Variants in ENOPH1 observed in about 807,000 individuals in gnomAD.
The protein encoded by ENOPH1 is enolase-phosphatase E1.
In ENOPH1, 14 loss-of-function variants were observed where a neutral mutation model predicts 31.1. That is an observed-to-expected ratio of 0.45 (90% confidence interval 0.30 to 0.70). The LOEUF is 0.70. ENOPH1 is among the 30% of genes least tolerant of loss of function. The pLI is 0.09. For synonymous variants in ENOPH1, 127 were observed against 123.2 expected, an observed-to-expected ratio of 1.03 and a Z score of -0.21; for missense variants, 243 against 321.5, an observed-to-expected ratio of 0.76 and a Z score of 1.87.
intron 1 of ENOPH1, among the ~76,000 whole-genome samples, chr4:82,443,252 C>T (rs989712293): frequency 4.0e-5 from 6 of 151,706 alleles, no homozygotes; most frequent in African/African-American, 1.5e-4. Flanking sequence ...GCCTGGCTAA[C>T]ATGGCGAAAC....
intron 1 of ENOPH1, among the ~76,000 whole-genome samples, chr4:82,442,252 G>A (rs1020878935): frequency 2.0e-5 from 3 of 152,174 alleles, no homozygotes; most frequent in Non-Finnish European, 4.4e-5. Context: ...CAGCTTGGTG[G>A]TGGCTCCTGT....
intron 1 of ENOPH1, among the ~76,000 whole-genome samples, chr4:82,432,488 A>T (rs1366934692): frequency 6.6e-6 from 1 of 152,046 alleles, no homozygotes; most frequent in East Asian, 1.9e-4. Context: ...GGGATTACAG[A>T]CATGTGCCAC....
At chr4:82,459,942 G>T in intron 5 of ENOPH1, 39 bp from the exon 6 acceptor site, 1 of 1,600,916 alleles carries the variant, frequency 6.2e-7, no homozygotes, top group African/African-American at 1.3e-5. Context: ...ATCATTTTTT[G>T]GTGTTTCTGA....
At chr4:82,447,486 C>A (rs1473729449) in intron 1 of ENOPH1, among the ~76,000 whole-genome samples, 1 of 152,162 alleles carries the variant, frequency 6.6e-6, no homozygotes, top group African/African-American at 2.4e-5. Flanking sequence ...TAATCCATAT[C>A]CTCAAGGACC....
Position 82,430,619 on chromosome 4 carries a change from G to T in ENOPH1, c.-211G>T. ...CGGGCTCCTGCCCCGTCCTGCTCAC[G>T]AGTTCAGGGCTCCTGGGCGGCCGCC... On this transcript the variant is annotated 5_prime_UTR_variant, in exon 1 of 6. Coordinates refer to ENST00000273920, the MANE Select transcript of ENOPH1 (RefSeq NM_021204.5). 1.8e-6 allele frequency: 1 copy of T among 561,046 alleles called. No individual in the cohort carries two copies. The highest frequency in any genetic ancestry group is 3.2e-6 in the Non-Finnish European group (1 of 313,698). 34.8% of individuals were successfully genotyped at this position (561,046 alleles called of 1,614,324 possible).
intron 1 of ENOPH1, among the ~76,000 whole-genome samples, chr4:82,442,629 A>G (rs6838602): frequency 0.1 from 15,423 of 152,180 alleles, 1,658 homozygotes; most frequent in African/African-American, 0.27. Flanking sequence ...TGCAGAAAAG[A>G]GATATGCAAA....
At chr4:82,430,954 A>G in intron 1 of ENOPH1, 41 bp downstream of exon 1, 4 of 1,569,432 alleles carry the variant, frequency 2.5e-6, no homozygotes, top group Non-Finnish European at 3.5e-6. Context: ...TTTTCCTTAA[A>G]AACAGTTATT....
intron 5 of ENOPH1, 117 bp downstream of exon 5, chr4:82,457,155 T>G (rs1029553842): frequency 2.0e-6 from 2 of 1,007,024 alleles, no homozygotes; most frequent in Admixed American, 2.9e-5. Context: ...TAAAACAGTT[T>G]TACGGTTTTA....
chr4:82,459,387 C>T (rs1313796331), intron 5 of ENOPH1, among the ~76,000 whole-genome samples: 1 of 152,112 alleles, frequency 6.6e-6, no homozygotes, highest in Non-Finnish European at 1.5e-5. Flanking sequence ...ACCTCCTGGG[C>T]TTAAGCAATC....
intron 2 of ENOPH1, among the ~76,000 whole-genome samples, chr4:82,450,370 C>T (rs1222224302): frequency 1.3e-5 from 2 of 152,250 alleles, no homozygotes; most frequent in Non-Finnish European, 2.9e-5. Context: ...CTTGAAGTCA[C>T]AGTTTCCAAG....
At chr4:82,454,630 C>G in intron 3 of ENOPH1, 92 bp from the exon 4 acceptor site, 1 of 1,415,648 alleles carries the variant, frequency 7.1e-7, no homozygotes, top group Non-Finnish European at 9.6e-7. Flanking sequence ...CATGTGGGCA[C>G]AAAGAGAGAA....
rs138310597 is a variant in ENOPH1 at position 82,433,742 on chromosome 4, C to T, written c.84+2829C>T. On this transcript the variant is annotated intron_variant, in intron 1 of 5. Coordinates refer to ENST00000273920, the MANE Select transcript of ENOPH1 (RefSeq NM_021204.5). ...TCGGTATCATACATATATATACACA[C>T]ATACACACTTTGTGAGATTTCAAGA... Among the ~76,000 whole-genome samples, 1,027 of 152,328 alleles carry T rather than the reference C, an allele frequency of 6.7e-3. 5 individuals are homozygous for T. The highest frequency in any genetic ancestry group is 0.017 in the Middle Eastern group (5 of 294).
At chr4:82,453,062 C>T (rs577314452) in intron 3 of ENOPH1, among the ~76,000 whole-genome samples, 5 of 152,020 alleles carry the variant, frequency 3.3e-5, no homozygotes, top group South Asian at 4.2e-4. Flanking sequence ...CCACCACGCC[C>T]GGCTAATTTT....
At chr4:82,449,909 C>G (rs1176562308) in intron 2 of ENOPH1, among the ~76,000 whole-genome samples, 1 of 152,156 alleles carries the variant, frequency 6.6e-6, no homozygotes, top group Admixed American at 6.5e-5. Flanking sequence ...CCCTCTTCTC[C>G]CCACCAGTCA....
intron 1 of ENOPH1, among the ~76,000 whole-genome samples, chr4:82,436,026 A>G (rs1472743306): frequency 2.6e-5 from 4 of 152,236 alleles, no homozygotes; most frequent in Admixed American, 6.5e-5. Flanking sequence ...GAAAGTGCTT[A>G]TGAAGGAAGG....
At chr4:82,443,597 G>A (rs761608651) in intron 1 of ENOPH1, among the ~76,000 whole-genome samples, 2 of 147,456 alleles carry the variant, frequency 1.4e-5, no homozygotes, top group Non-Finnish European at 3.0e-5. Context: ...GCGTGGTGGC[G>A]GGCGCCTGAA....
chr4:82,434,498 G>A (rs911569181), intron 1 of ENOPH1, among the ~76,000 whole-genome samples: 1 of 152,268 alleles, frequency 6.6e-6, no homozygotes, highest in African/African-American at 2.4e-5. Flanking sequence ...TGGATCACCT[G>A]AGGTCAGGAG....
intron 4 of ENOPH1, 70 bp downstream of exon 4, chr4:82,454,924 C>A: frequency 1.4e-6 from 2 of 1,385,970 alleles, no homozygotes; most frequent in Non-Finnish European, 2.0e-6. Context: ...TAATGGAAAA[C>A]TAATTGGAAC....
intron 3 of ENOPH1, among the ~76,000 whole-genome samples, chr4:82,452,872 G>GC (rs1420672156): frequency 6.6e-6 from 1 of 151,226 alleles, no homozygotes; most frequent in African/African-American, 2.4e-5. Context: ...ACAGGCGTGA[G>GC]CCACTGTGCC....
Sources: gnomAD v4.1 joint callset for allele counts (sites outside exome capture counted in the v4.1 genomes callset) on GRCh38, gnomAD v4.1.1 for gene constraint, MANE v1.5 for transcripts, NCBI Gene and HGNC (gene_info 2026-07-23, HGNC 2026-07-21) for gene names.